The following GOLGA4 variants were observed in gnomAD, a reference collection of about 807,000 sequenced individuals.
GOLGA4 encodes the protein golgin A4.
A neutral mutation model predicts 265.9 loss-of-function variants in GOLGA4; 169 were observed. The ratio of observed to expected loss-of-function variants is 0.64; its 90% confidence interval spans 0.56 to 0.72. The LOEUF is 0.72. Among genes scored for constraint, GOLGA4 ranks in the 30% least tolerant of loss-of-function variants. The pLI, the probability that GOLGA4 is intolerant of heterozygous loss-of-function variation, is 0.00. For missense variants in GOLGA4, 2,482 were observed against 2,483.4 expected (o/e 1.00, Z 0.01); for synonymous variants, 923 against 855.8 (o/e 1.08, Z -1.37).
chr3:37,286,937 A>G (rs753054145), intron 4 of GOLGA4, among the ~76,000 whole-genome samples: 24 of 152,226 alleles, frequency 1.6e-4, no homozygotes, highest in Non-Finnish European at 2.9e-5. Context: ...TTGTGTTTCT[A>G]TGCATTGGCT....
At chr3:37,279,615 G>T (rs1046389741) in intron 2 of GOLGA4, among the ~76,000 whole-genome samples, 1 of 152,032 alleles carries the variant, frequency 6.6e-6, no homozygotes, top group South Asian at 2.1e-4. Context: ...ATGTTAAAAA[G>T]TCCTGCAGAG....
intron 16 of GOLGA4, among the ~76,000 whole-genome samples, chr3:37,329,676 C>T (rs1471149469): frequency 6.6e-6 from 1 of 152,142 alleles, no homozygotes; most frequent in Non-Finnish European, 1.5e-5. Context: ...TGTTGCAATT[C>T]ACAGAATATG....
intron 22 of GOLGA4, among the ~76,000 whole-genome samples, chr3:37,359,491 T>C (rs1368744310): frequency 6.6e-6 from 1 of 152,180 alleles, no homozygotes; most frequent in Admixed American, 6.5e-5. Flanking sequence ...TAAATGGACA[T>C]CACTGTTTTC....
At chr3:37,267,537 G>A (rs1403594955) in intron 2 of GOLGA4, among the ~76,000 whole-genome samples, 1 of 152,158 alleles carries the variant, frequency 6.6e-6, no homozygotes, top group Non-Finnish European at 1.5e-5. Flanking sequence ...TTGGGAAAGT[G>A]GACATTTTCC....
intron 9 of GOLGA4, among the ~76,000 whole-genome samples, chr3:37,301,205 A>G (rs1404411626): frequency 6.6e-6 from 1 of 152,198 alleles, no homozygotes; most frequent in African/African-American, 2.4e-5. Context: ...ATTTTTTGTT[A>G]GTCCTAAATG....
chr3:37,258,027 ATATATG>A (rs1274279629), intron 2 of GOLGA4, among the ~76,000 whole-genome samples: 18 of 79,446 alleles, frequency 2.3e-4, no homozygotes, highest in East Asian at 2.4e-4. Flanking sequence ...ATATGTATGT[ATATATG>A]TATATATACA....
At chr3:37,364,951 G>T (rs1696633056) in intron 23 of GOLGA4, among the ~76,000 whole-genome samples, 1 of 151,562 alleles carries the variant, frequency 6.6e-6, no homozygotes, top group Non-Finnish European at 1.5e-5. Context: ...AGCCTGGAGT[G>T]CAGTGGTACA....
chr3:37,353,250 A>C (rs975943679), intron 21 of GOLGA4, among the ~76,000 whole-genome samples: 7 of 152,152 alleles, frequency 4.6e-5, no homozygotes, highest in African/African-American at 1.4e-4. Flanking sequence ...AAAATGTGAC[A>C]CAGAGATATA....
chr3:37,327,673 G>T lies in GOLGA4; in HGVS notation c.5787G>T (p.Glu1929Asp). The change falls in exon 14 of 24, where the codon GAG becomes GAT. Residue 1929 changes from glutamate to aspartate, a missense_variant. Transcript: ENST00000361924. The part of the protein sequence containing the change: ...SNMEAQHNDL[E>D]FKLAGAEREK... ...TGGAAGCCCAGCACAATGATCTGGAGTTTAAATTAGCCGGGGCAGAACGGG... is the reference window on the plus strand; with the variant it reads ...TGGAAGCCCAGCACAATGATCTGGATTTTAAATTAGCCGGGGCAGAACGGG... The T allele has an allele frequency of 6.2e-7, 1 of 1,614,038 alleles. No homozygotes were observed. Among genetic ancestry groups the T allele is most frequent in the African/African-American group, 1.3e-5 (1 of 75,042 alleles).
intron 2 of GOLGA4, among the ~76,000 whole-genome samples, chr3:37,271,048 G>A (rs2096797319): frequency 6.6e-6 from 1 of 151,976 alleles, no homozygotes. Flanking sequence ...TCACAGCAGA[G>A]TTCGCACTTC....
At chr3:37,334,960 A>G (rs895769192) in intron 16 of GOLGA4, 93 bp from the exon 17 acceptor site, 8 of 667,138 alleles carry the variant, frequency 1.2e-5, no homozygotes, top group Admixed American at 2.9e-5. Flanking sequence ...TCTCTATACC[A>G]TGTTGCCTCT....
At chr3:37,300,160 A>G (rs1290803427) in intron 9 of GOLGA4, among the ~76,000 whole-genome samples, 2 of 152,156 alleles carry the variant, frequency 1.3e-5, no homozygotes, top group African/African-American at 4.8e-5. Context: ...TTGAGGAAGG[A>G]ATGAGTCTTA....
At chr3:37,344,049 C>T (rs777407864) in intron 20 of GOLGA4, among the ~76,000 whole-genome samples, 2 of 152,160 alleles carry the variant, frequency 1.3e-5, no homozygotes, top group Non-Finnish European at 2.9e-5. Flanking sequence ...ATATGGTTAC[C>T]TTGAGGTACA....
Position 37,254,298 on chromosome 3 carries a change from G to C in GOLGA4, c.162+2814G>C, listed in dbSNP as rs529304543. 2.0e-5 allele frequency among the ~76,000 whole-genome samples: 3 copies of C among 152,148 alleles called. No homozygotes were observed. The South Asian group carries it at 6.2e-4, about 32-fold the overall frequency. On this transcript the variant is annotated intron_variant, in intron 2 of 23. Coordinates refer to ENST00000361924, the MANE Select transcript of GOLGA4 (RefSeq NM_002078.5). ...TAAGAAAATAAGATCTCAGGAAACTGTATATACTCTGTACTTTTATGCAAC... is the reference window on the plus strand; with the variant it reads ...TAAGAAAATAAGATCTCAGGAAACTCTATATACTCTGTACTTTTATGCAAC...
intron 19 of GOLGA4, among the ~76,000 whole-genome samples, chr3:37,339,066 G>A (rs2097024233): frequency 6.6e-6 from 1 of 151,990 alleles, no homozygotes; most frequent in Non-Finnish European, 1.5e-5. Context: ...GTTTCACCAT[G>A]TTAGCCAGGA....
chr3:37,257,413 C>T (rs1338447034), intron 2 of GOLGA4, among the ~76,000 whole-genome samples: 1 of 152,030 alleles, frequency 6.6e-6, no homozygotes, highest in African/African-American at 2.4e-5. Context: ...TGTTTGCTGA[C>T]TGAAAGATCT....
At chr3:37,337,065 A>G (rs1002182783) in intron 17 of GOLGA4, 78 bp from the exon 18 acceptor site, 4 of 934,164 alleles carry the variant, frequency 4.3e-6, no homozygotes, top group Admixed American at 2.4e-5. Flanking sequence ...TTTTCCTTAT[A>G]TCTTTATATT....
At chr3:37,246,397 A>C (rs2096719737) in intron 1 of GOLGA4, among the ~76,000 whole-genome samples, 2 of 152,254 alleles carry the variant, frequency 1.3e-5, no homozygotes, top group South Asian at 4.1e-4. Flanking sequence ...AGAAACATCA[A>C]GAAGTAATAC....
At chr3:37,252,446 C>A (rs927931536) in intron 2 of GOLGA4, among the ~76,000 whole-genome samples, 2 of 150,692 alleles carry the variant, frequency 1.3e-5, no homozygotes, top group African/African-American at 4.9e-5. Flanking sequence ...CATTATTGTA[C>A]TTTTTTTTGG....
Sources: allele counts gnomAD v4.1 joint callset (sites outside exome capture counted in the v4.1 genomes callset), GRCh38; gene constraint gnomAD v4.1.1; transcripts MANE v1.5; gene names NCBI Gene and HGNC (gene_info 2026-07-23, HGNC 2026-07-21).